RBPMS: variants seen among roughly 807,000 people sequenced by gnomAD.
RBPMS encodes RNA binding protein, mRNA processing factor.
In RBPMS, 7 loss-of-function variants were observed where a neutral mutation model predicts 26.8. That is an observed-to-expected ratio of 0.26 (90% CI 0.15 to 0.49). RBPMS has a LOEUF of 0.49. Among genes scored for constraint, RBPMS ranks in the 20% least tolerant of loss-of-function variants. The pLI is 0.98. For missense variants in RBPMS, 186 were observed against 250.0 expected (o/e 0.74, Z 1.73); for synonymous variants, 96 against 93.3 (o/e 1.03, Z -0.17).
intron 1 of RBPMS, among the ~76,000 whole-genome samples, chr8:30,390,100 A>G (rs1350262940): frequency 6.6e-6 from 1 of 152,232 alleles, no homozygotes; most frequent in Non-Finnish European, 1.5e-5. Context: ...CATTAATTGT[A>G]TCTAATTGGT....
At chr8:30,499,602 CA>C (rs879295588) in intron 4 of RBPMS, among the ~76,000 whole-genome samples, 151 of 142,136 alleles carry the variant, frequency 1.1e-3, no homozygotes, top group African/African-American at 1.3e-3. Flanking sequence ...GAATCTAAAC[CA>C]AAAAAAAAAA....
chr8:30,569,943 G>A (rs1342366181), intron 8 of RBPMS, among the ~76,000 whole-genome samples: 1 of 152,180 alleles, frequency 6.6e-6, no homozygotes, highest in East Asian at 1.9e-4. Context: ...GGTGTCCAGG[G>A]CCCACTGTGG....
intron 5 of RBPMS, among the ~76,000 whole-genome samples, chr8:30,517,992 C>T (rs1822533807): frequency 6.6e-6 from 1 of 152,190 alleles, no homozygotes; most frequent in South Asian, 2.1e-4. Context: ...AAACAGAAAG[C>T]AGCAGCACTG....
At chr8:30,511,870 G>A (rs1821754956) in intron 5 of RBPMS, among the ~76,000 whole-genome samples, 1 of 152,018 alleles carries the variant, frequency 6.6e-6, no homozygotes, top group Non-Finnish European at 1.5e-5. Flanking sequence ...CAAATTTGAT[G>A]GCCAAGGTGC....
At chr8:30,562,528 C>T (rs185289563) in intron 7 of RBPMS, among the ~76,000 whole-genome samples, 44 of 152,216 alleles carry the variant, frequency 2.9e-4, no homozygotes, top group South Asian at 1.9e-3. Flanking sequence ...TAGCTCAGTG[C>T]GGATCTATTA....
At chr8:30,555,187 T>C (rs1339515720) in intron 6 of RBPMS, among the ~76,000 whole-genome samples, 1 of 152,208 alleles carries the variant, frequency 6.6e-6, no homozygotes, top group Non-Finnish European at 1.5e-5. Flanking sequence ...CTTGGTGCTC[T>C]CCTGTTGTCC....
At chr8:30,505,167 T>C in intron 5 of RBPMS, among the ~76,000 whole-genome samples, 1 of 152,230 alleles carries the variant, frequency 6.6e-6, no homozygotes, top group East Asian at 1.9e-4. Context: ...AAGTGGGGCA[T>C]GAGACAGGCC....
At chr8:30,477,702 G>T (rs1055351333) in intron 2 of RBPMS, 97 bp from the exon 3 acceptor site, 6 of 815,168 alleles carry the variant, frequency 7.4e-6, no homozygotes, top group Admixed American at 4.2e-5. Context: ...ACATTTGTAG[G>T]AGGAGTTAGG....
At chr8:30,543,005 G>T (rs1010797703) in intron 5 of RBPMS, among the ~76,000 whole-genome samples, 1 of 152,198 alleles carries the variant, frequency 6.6e-6, no homozygotes, top group African/African-American at 2.4e-5. Context: ...CTCCCACCTA[G>T]ATGCACAGGC....
At chr8:30,561,896 T>C (rs749513209) in intron 7 of RBPMS, 40 of 985,176 alleles carry the variant, frequency 4.1e-5, no homozygotes, top group Admixed American at 6.2e-5. Flanking sequence ...GATCCTGGGT[T>C]TCATTTGTAT....
intron 4 of RBPMS, among the ~76,000 whole-genome samples, chr8:30,480,033 TAAAC>T (rs957045258): frequency 1.3e-5 from 2 of 152,194 alleles, no homozygotes; most frequent in African/African-American, 4.8e-5. Context: ...GTTGAAAAAC[TAAAC>T]AATTTAAGGG....
At chr8:30,518,687 CTTTTTTTT>C (rs58763494) in intron 5 of RBPMS, among the ~76,000 whole-genome samples, 298 of 18,242 alleles carry the variant, frequency 0.016, 9 homozygotes, top group Non-Finnish European at 0.024. Context: ...CCAAGCATGA[CTTTTTTTT>C]TTTTTTTTTT....
chr8:30,519,975 G>A (rs1174722719), intron 5 of RBPMS, among the ~76,000 whole-genome samples: 1 of 152,198 alleles, frequency 6.6e-6, no homozygotes, highest in East Asian at 1.9e-4. Flanking sequence ...ATTCAGCCTT[G>A]CCATTTCTGG....
At chr8:30,522,821 G>C (rs1166251890) in intron 5 of RBPMS, among the ~76,000 whole-genome samples, 1 of 152,114 alleles carries the variant, frequency 6.6e-6, no homozygotes, top group Non-Finnish European at 1.5e-5. Context: ...CATTTTAGTA[G>C]TTTATTAATA....
At chr8:30,413,987 C>A (rs1174755339) in intron 1 of RBPMS, among the ~76,000 whole-genome samples, 1 of 152,184 alleles carries the variant, frequency 6.6e-6, no homozygotes, top group Non-Finnish European at 1.5e-5. Context: ...GGTGATCCGC[C>A]CACCTCAGCC....
intron 6 of RBPMS, among the ~76,000 whole-genome samples, chr8:30,548,541 G>A (rs1826044969): frequency 6.6e-6 from 1 of 152,212 alleles, no homozygotes; most frequent in African/African-American, 2.4e-5. Flanking sequence ...CAGCTTACCT[G>A]GACATAAACC....
At chr8:30,551,848 C>T (rs945516701) in intron 6 of RBPMS, among the ~76,000 whole-genome samples, 3 of 152,206 alleles carry the variant, frequency 2.0e-5, no homozygotes, top group African/African-American at 4.8e-5. Context: ...TTTAACTGCA[C>T]GGAGCCTCAG....
intron 5 of RBPMS, among the ~76,000 whole-genome samples, chr8:30,512,943 C>T (rs553912127): frequency 4.6e-5 from 7 of 152,126 alleles, no homozygotes; most frequent in East Asian, 1.9e-4. Context: ...TGATATCACC[C>T]GAAATGCTAC....
intron 5 of RBPMS, among the ~76,000 whole-genome samples, chr8:30,540,723 G>A (rs908181142): frequency 3.3e-5 from 5 of 152,180 alleles, no homozygotes; most frequent in Admixed American, 6.5e-5. Context: ...GCCACTGCAC[G>A]CAGCCAAACT....
Sources: allele counts gnomAD v4.1 joint callset (sites outside exome capture counted in the v4.1 genomes callset), GRCh38; gene constraint gnomAD v4.1.1; transcripts MANE v1.5; gene names NCBI Gene and HGNC (gene_info 2026-07-23, HGNC 2026-07-21).